Variants in SLC18A1 observed in about 807,000 individuals in gnomAD.
The protein encoded by SLC18A1 is chromaffin granule amine transporter.
SLC18A1 carries 69 observed loss-of-function variants against 53.7 expected under a neutral mutation model. The observed-to-expected ratio is 1.28, with a 90% confidence interval of 1.06 to 1.57. SLC18A1 has a LOEUF of 1.57. Among genes scored for constraint, SLC18A1 ranks in the 40% most tolerant of loss-of-function variants. The pLI, the probability that SLC18A1 is intolerant of heterozygous loss-of-function variation, is 0.00. For missense variants in SLC18A1, 932 were observed against 668.1 expected (o/e 1.40, Z -4.35); for synonymous variants, 320 against 248.1 (o/e 1.29, Z -2.72).
In SLC18A1 at chr8:20,164,880, T is replaced by C. The variant is rs1465114818; in HGVS notation, c.1004A>G (p.Lys335Arg). Residue 335 changes from lysine (K) to arginine (R), a missense_variant, in exon 10 of 16, where the codon AAG (lysine) becomes AGG (arginine). Transcript: ENST00000276373. ...IWMMQTMCSP[K>R]WQLGLAFLPA... ...CTGAGGTCACTTACCCAGCTGCCAC[T>C]TGGGGGAGCACATGGTCTGCATCAT... is the stretch of plus-strand genomic sequence containing the variant. 1.9e-6 allele frequency: 3 copies of C among 1,609,706 alleles called. No homozygotes were observed. In the South Asian group the frequency reaches 3.3e-5, roughly 18 times the overall value.
intron 11 of SLC18A1, 46 bp from the exon 12 acceptor site, chr8:20,149,773 C>A: frequency 6.3e-7 from 1 of 1,580,094 alleles, no homozygotes; most frequent in South Asian, 1.1e-5. Flanking sequence ...GGAGAGCTCC[C>A]CTCCACCTGT....
chr8:20,163,846 A>G (rs1473479359), intron 10 of SLC18A1, among the ~76,000 whole-genome samples: 1 of 152,188 alleles, frequency 6.6e-6, no homozygotes, highest in Non-Finnish European at 1.5e-5. Context: ...AGTAATTGGT[A>G]ACTGGCAACT....
At chr8:20,148,693 T>A (rs2071469577) in intron 12 of SLC18A1, among the ~76,000 whole-genome samples, 1 of 152,116 alleles carries the variant, frequency 6.6e-6, no homozygotes, top group South Asian at 2.1e-4. Flanking sequence ...CTTACCTCCC[T>A]CTCTGGGTAC....
At chr8:20,171,570 C>G in intron 6 of SLC18A1, 76 bp from the exon 7 acceptor site, 2 of 1,211,932 alleles carry the variant, frequency 1.7e-6, no homozygotes, top group Non-Finnish European at 2.4e-6. Context: ...ATATTTACCC[C>G]GTGAGCATTT....
At chr8:20,171,301 A>G in intron 7 of SLC18A1, 104 bp downstream of exon 7, 1 of 1,306,136 alleles carries the variant, frequency 7.7e-7, no homozygotes, top group Non-Finnish European at 1.1e-6. Flanking sequence ...ATCCATCAAA[A>G]CATGTCCAAA....
intron 10 of SLC18A1, among the ~76,000 whole-genome samples, chr8:20,162,229 T>A (rs1049127600): frequency 1.3e-5 from 2 of 152,056 alleles, no homozygotes; most frequent in African/African-American, 2.4e-5. Flanking sequence ...CCCTCCTACA[T>A]CTCTGGGCCA....
At chr8:20,154,024 C>T (rs1167104513) in intron 10 of SLC18A1, among the ~76,000 whole-genome samples, 1 of 152,142 alleles carries the variant, frequency 6.6e-6, no homozygotes, top group Non-Finnish European at 1.5e-5. Context: ...TGACTTCTTG[C>T]TCTGTAAGTT....
intron 10 of SLC18A1, among the ~76,000 whole-genome samples, chr8:20,163,307 A>G (rs776400752): frequency 2.0e-5 from 3 of 152,186 alleles, no homozygotes; most frequent in Non-Finnish European, 4.4e-5. Flanking sequence ...CAAAGGTCCC[A>G]CTTCTCAAGA....
intron 5 of SLC18A1, 149 bp downstream of exon 5, chr8:20,174,212 C>T: frequency 4.4e-6 from 3 of 680,956 alleles, no homozygotes; most frequent in East Asian, 2.8e-5. Context: ...TGTGCCCAGC[C>T]CAATTCCCTT....
intron 11 of SLC18A1, 127 bp from the exon 12 acceptor site, chr8:20,149,854 C>G: frequency 1.3e-6 from 1 of 781,660 alleles, no homozygotes; most frequent in Non-Finnish European, 2.2e-6. Flanking sequence ...CTGAGGACAG[C>G]ATCCCTACAT....
At chr8:20,166,566 TA>T (rs1261934799) in intron 8 of SLC18A1, among the ~76,000 whole-genome samples, 5 of 150,896 alleles carry the variant, frequency 3.3e-5, no homozygotes, top group African/African-American at 9.7e-5. Flanking sequence ...CTATGAGTGG[TA>T]GGGGTGGGAG....
At chr8:20,177,439 A>G (rs2072278990) in intron 4 of SLC18A1, among the ~76,000 whole-genome samples, 1 of 152,198 alleles carries the variant, frequency 6.6e-6, no homozygotes, top group African/African-American at 2.4e-5. Flanking sequence ...GGAATTGAAC[A>G]GAGAACACAT....
chr8:20,169,919 C>G (rs773728144), intron 8 of SLC18A1, among the ~76,000 whole-genome samples: 2 of 152,170 alleles, frequency 1.3e-5, no homozygotes, highest in Non-Finnish European at 2.9e-5. Context: ...TTCCTGGAAT[C>G]TCAAGCTGGA....
intron 5 of SLC18A1, 29 bp from the exon 6 acceptor site, chr8:20,173,157 C>G: frequency 6.5e-7 from 1 of 1,529,934 alleles, no homozygotes; most frequent in Non-Finnish European, 8.9e-7. Flanking sequence ...ATGCAGCTGG[C>G]CCCCTGGGGG....
In SLC18A1 at chr8:20,147,778, G is replaced by A. The variant is rs577766631; in HGVS notation, c.1211-56C>T. ...CCCCACCCACAGTTAGTACCACCCC[G>A]CCTCTCCTCCTCCATTTAGTCCATT... On this transcript the variant is annotated intron_variant, in intron 13 of 15. Transcript: ENST00000276373. 608 of 1,592,762 alleles carry A rather than the reference G, an allele frequency of 3.8e-4. 8 individuals carry two copies. The African/African-American group carries it at 5.7e-3, about 15-fold the overall frequency.
Position 20,147,271 on chromosome 8 carries a change from T to C in SLC18A1, c.1451A>G (p.Lys484Arg). The change falls in exon 15 of 16, where the codon AAG (lysine) becomes AGG (arginine). Residue 484 changes from lysine (K) to arginine (R), a missense_variant. Transcript: ENST00000276373. The part of the protein sequence containing the change: ...LCYYLRSPPA[K>R]EEKLAILSQD... ...GGTGCTCCTTACAAGCTTCTCTTCCTTTGCCGGGGGGCTCCGCAGGTAGTA... is the reference window on the plus strand; with the variant it reads ...GGTGCTCCTTACAAGCTTCTCTTCCCTTGCCGGGGGGCTCCGCAGGTAGTA... 1.9e-6 allele frequency: 3 copies of C among 1,604,736 alleles called. No individual in the cohort carries two copies. The South Asian group carries it at 3.3e-5, about 18-fold the overall frequency.
At chr8:20,164,804 C>G in intron 10 of SLC18A1, 65 bp downstream of exon 10, 2 of 1,257,598 alleles carry the variant, frequency 1.6e-6, no homozygotes, top group Non-Finnish European at 2.3e-6. Flanking sequence ...TGACATTGAA[C>G]GAAAGGACTC....
chr8:20,149,942 G>A (rs150971374), intron 11 of SLC18A1, among the ~76,000 whole-genome samples: 4 of 152,108 alleles, frequency 2.6e-5, no homozygotes, highest in Admixed American at 6.5e-5. Flanking sequence ...TCTATAGAAA[G>A]GCAGAGGAGG....
intron 8 of SLC18A1, among the ~76,000 whole-genome samples, chr8:20,167,602 C>T (rs1217797916): frequency 1.3e-5 from 2 of 151,804 alleles, no homozygotes; most frequent in African/African-American, 2.4e-5. Flanking sequence ...ATTGAGTCCC[C>T]ATAGTTTTTT....
Sources: allele counts gnomAD v4.1 joint callset (sites outside exome capture counted in the v4.1 genomes callset), GRCh38; gene constraint gnomAD v4.1.1; transcripts MANE v1.5; gene names NCBI Gene and HGNC (gene_info 2026-07-23, HGNC 2026-07-21).